The following TSGA10 variants were observed in gnomAD, a reference collection of about 807,000 sequenced individuals.
The protein encoded by TSGA10 is testis specific 10, also known as testis-specific gene 10 protein.
TSGA10 carries 43 observed loss-of-function variants against 96.6 expected under a neutral mutation model. The observed-to-expected ratio is 0.44, with a 90% CI of 0.35 to 0.57. The LOEUF is 0.57. Among genes scored for constraint, TSGA10 ranks in the 20% least tolerant of loss-of-function variants. TSGA10 has a pLI of 0.01. For synonymous variants in TSGA10, 229 were observed against 269.9 expected, an observed-to-expected ratio of 0.85 and a Z score of 1.48; for missense variants, 703 against 834.4, an observed-to-expected ratio of 0.84 and a Z score of 1.94.
chr2:99,112,086 G>T (rs1038999342), intron 4 of TSGA10, among the ~76,000 whole-genome samples: 1 of 152,060 alleles, frequency 6.6e-6, no homozygotes, highest in Non-Finnish European at 1.5e-5. Context: ...TTAAAAAAAT[G>T]TTGATTCCAC....
At chr2:99,143,483 A>T (rs138652153) in intron 1 of TSGA10, among the ~76,000 whole-genome samples, 1,796 of 146,460 alleles carry the variant, frequency 0.012, 38 homozygotes, top group African/African-American at 0.043. Flanking sequence ...CTTTTTTTTA[A>T]GACAGAGTCT....
At chr2:99,118,858 A>G (rs2092422994) in intron 2 of TSGA10, 172 bp from the exon 3 acceptor site, 1 of 158,794 alleles carries the variant, frequency 6.3e-6, no homozygotes, top group Non-Finnish European at 1.4e-5. Flanking sequence ...ACTACGAGGT[A>G]AAGTCATGGT....
At chr2:99,059,871 G>A (rs2084477305) in intron 16 of TSGA10, among the ~76,000 whole-genome samples, 4 of 139,122 alleles carry the variant, frequency 2.9e-5, no homozygotes, top group South Asian at 2.3e-4. Context: ...CCAAGACTGC[G>A]CCACTGCACT....
chr2:99,147,604 C>T (rs1156801400), intron 1 of TSGA10: 6 of 917,578 alleles, frequency 6.5e-6, no homozygotes, highest in African/African-American at 3.3e-5. Context: ...CATTCTTTTA[C>T]GTTTGTTGAT....
At position 99,099,182 on chromosome 2, in the gene TSGA10, C is replaced by T. The variant is rs372928096; in HGVS notation, c.611+4785G>A. On this transcript the variant is annotated intron_variant, in intron 10 of 20. Transcript: ENST00000393483. ...ACAAAATTAGCTGGGGGTAGTGGCGCGTGCCTGTAATCCCAGCTGCTCGGG... is the reference window on the plus strand; with the variant it reads ...ACAAAATTAGCTGGGGGTAGTGGCGTGTGCCTGTAATCCCAGCTGCTCGGG... 2.5e-3 allele frequency among the ~76,000 whole-genome samples: 382 copies of T among 152,210 alleles called. 3 individuals carry two copies. The Middle Eastern group carries it at 0.041, about 16-fold the overall frequency.
chr2:99,040,454 C>A (rs1428830025), intron 16 of TSGA10, among the ~76,000 whole-genome samples: 2 of 151,906 alleles, frequency 1.3e-5, no homozygotes, highest in Non-Finnish European at 2.9e-5. Context: ...TGCTATACAC[C>A]AACAGTGACC....
intron 16 of TSGA10, among the ~76,000 whole-genome samples, chr2:99,060,571 T>A (rs1489618808): frequency 6.6e-6 from 1 of 152,172 alleles, no homozygotes; most frequent in Non-Finnish European, 1.5e-5. Flanking sequence ...AAGTAGGTTT[T>A]TTTTCTGTAG....
At chr2:99,093,330 C>T (rs974795656) in intron 10 of TSGA10, among the ~76,000 whole-genome samples, 2 of 152,044 alleles carry the variant, frequency 1.3e-5, no homozygotes, top group Non-Finnish European at 2.9e-5. Context: ...AGCACTCCTG[C>T]TAAGAACTGG....
intron 10 of TSGA10, among the ~76,000 whole-genome samples, chr2:99,103,101 A>T (rs74930796): frequency 7.0e-5 from 10 of 142,438 alleles, no homozygotes; most frequent in South Asian, 2.2e-4. Context: ...AAAAAAAAAA[A>T]TTGTTAAGAA....
At chr2:99,049,103 G>C (rs963671006) in intron 16 of TSGA10, among the ~76,000 whole-genome samples, 1 of 152,200 alleles carries the variant, frequency 6.6e-6, no homozygotes, top group African/African-American at 2.4e-5. Flanking sequence ...AGGATGTGGA[G>C]AAATAAGAAT....
At chr2:99,137,070 C>T (rs1014530516) in intron 1 of TSGA10, among the ~76,000 whole-genome samples, 4 of 147,604 alleles carry the variant, frequency 2.7e-5, no homozygotes, top group African/African-American at 5.0e-5. Flanking sequence ...ATGATCTCGG[C>T]TCACTGGAAC....
chr2:99,117,444 C>A (rs991892390), intron 4 of TSGA10, 100 bp downstream of exon 4: 6 of 485,404 alleles, frequency 1.2e-5, no homozygotes. Flanking sequence ...TAAAAAGCTT[C>A]CAAATTATAC....
chr2:99,049,596 G>A (rs1038427211), intron 16 of TSGA10, among the ~76,000 whole-genome samples: 5 of 152,012 alleles, frequency 3.3e-5, no homozygotes, highest in South Asian at 2.1e-4. Context: ...GGGAGGCTAC[G>A]GGAGGGATGG....
At chr2:99,138,087 T>C (rs2093398977) in intron 1 of TSGA10, among the ~76,000 whole-genome samples, 1 of 152,206 alleles carries the variant, frequency 6.6e-6, no homozygotes, top group South Asian at 2.1e-4. Context: ...AAATTTCTGT[T>C]GCTTATATGT....
intron 15 of TSGA10, among the ~76,000 whole-genome samples, chr2:99,066,255 A>G (rs187953691): frequency 6.1e-4 from 93 of 152,310 alleles, no homozygotes; most frequent in Admixed American, 5.0e-3. Context: ...ACAATATACT[A>G]AACTACCTTA....
At chr2:99,059,485 A>AG (rs2084408757) in intron 16 of TSGA10, among the ~76,000 whole-genome samples, 2 of 151,846 alleles carry the variant, frequency 1.3e-5, no homozygotes, top group South Asian at 4.2e-4. Context: ...AAATACAAAA[A>AG]AAAATTAGCC....
chr2:99,097,022 C>T (rs949732925), intron 10 of TSGA10, among the ~76,000 whole-genome samples: 5 of 152,066 alleles, frequency 3.3e-5, no homozygotes, highest in Non-Finnish European at 7.4e-5. Flanking sequence ...AACCCAGATA[C>T]AGGCAAAATT....
At chr2:99,005,353 G>C (rs1381574623) in intron 20 of TSGA10, among the ~76,000 whole-genome samples, 1 of 152,036 alleles carries the variant, frequency 6.6e-6, no homozygotes, top group Admixed American at 6.6e-5. Flanking sequence ...AGTCAAATTG[G>C]CCCTGTTTGC....
intron 17 of TSGA10, among the ~76,000 whole-genome samples, chr2:99,027,098 TGCTCACTCACCCACC>T (rs1558766938): frequency 6.6e-6 from 1 of 152,216 alleles, no homozygotes; most frequent in African/African-American, 2.4e-5. Context: ...CAGGCAGTAA[TGCTCACTCACCCACC>T]GCTCACCTCC....
Sources: allele counts gnomAD v4.1 joint callset (sites outside exome capture counted in the v4.1 genomes callset), GRCh38; gene constraint gnomAD v4.1.1; transcripts MANE v1.5; gene names NCBI Gene and HGNC (gene_info 2026-07-23, HGNC 2026-07-21).